Variants in ARHGAP23 observed in about 807,000 individuals in gnomAD.
ARHGAP23 encodes the protein rho GTPase-activating protein 23.
A neutral mutation model predicts 136.3 loss-of-function variants in ARHGAP23; 34 were observed. The observed-to-expected ratio is 0.25, with a 90% CI of 0.19 to 0.33. The LOEUF (loss-of-function observed/expected upper bound fraction) is 0.33. ARHGAP23 is among the 10% of genes least tolerant of loss of function. The pLI is 1.00. For missense variants in ARHGAP23, 1,808 were observed against 2,139.0 expected (o/e 0.85, Z 3.05); for synonymous variants, 832 against 920.5 (o/e 0.90, Z 1.74).
Position 38,469,265 on chromosome 17 carries a change from T to G in ARHGAP23, c.1770T>G (p.Thr590=), listed in dbSNP as rs1490840854. ...CCAGCCCATCTTCCCCGACCTTCAC[T>G]TTCACCCTCGGACGCCATTACTCGC... ...LGTSPSSPTF[T]FTLGRHYSQD... Residue 590 remains threonine, a synonymous_variant, in exon 8 of 24, where the codon ACT becomes ACG. Transcript: ENST00000622683. 2 of 1,551,340 alleles carry G rather than the reference T, an allele frequency of 1.3e-6. No homozygotes were observed. Among genetic ancestry groups the G allele is most frequent in the African/African-American group, 2.7e-5 (2 of 73,012 alleles).
intron 1 of ARHGAP23, among the ~76,000 whole-genome samples, chr17:38,441,662 G>T (rs537326466): frequency 9.0e-4 from 137 of 152,358 alleles, no homozygotes; most frequent in African/African-American, 3.2e-3. Flanking sequence ...CACCATGGCA[G>T]ATTCCTTAGC....
rs575376487 is a variant in ARHGAP23, at chr17:38,479,871, G to C, written c.2617G>C (p.Ala873Pro). The C allele has an allele frequency of 6.5e-7, 1 of 1,545,304 alleles. No individual in the cohort carries two copies. The highest frequency in any genetic ancestry group is 1.4e-5 in the African/African-American group (1 of 72,368). ...ARGLRTQDLP[A>P]GSKDDSAAAP... is the part of the protein sequence containing the mutation. ...TGGCCTCAGGACTCAGGACCTGCCC[G>C]CAGGGAGCAAGGGTAGGAAGGTGGC... is the stretch of plus-strand genomic sequence containing the variant. The change falls in exon 14 of 24, where the codon GCA (alanine) becomes CCA (proline). Residue 873 changes from alanine to proline, a missense_variant. By Grantham distance (27) the Ala-to-Pro change is conservative. Coordinates refer to ENST00000622683, the MANE Select transcript of ARHGAP23 (RefSeq NM_001199417.2).
intron 23 of ARHGAP23, among the ~76,000 whole-genome samples, chr17:38,508,781 A>G (rs1397225178): frequency 6.6e-6 from 1 of 151,898 alleles, no homozygotes; most frequent in Non-Finnish European, 1.5e-5. Context: ...GTGTGAATGG[A>G]GGCAGTTTGG....
At chr17:38,445,303 TAAAAAAAA>T (rs61636599) in intron 1 of ARHGAP23, among the ~76,000 whole-genome samples, 2 of 111,588 alleles carry the variant, frequency 1.8e-5, no homozygotes, top group African/African-American at 6.8e-5. Flanking sequence ...TGTCTCTACT[TAAAAAAAA>T]AAAAAAAAAA....
At chr17:38,473,519 G>A (rs193072982) in intron 11 of ARHGAP23, among the ~76,000 whole-genome samples, 98 of 152,306 alleles carry the variant, frequency 6.4e-4, no homozygotes, top group Admixed American at 1.2e-3. Context: ...GAATGACTAA[G>A]GCCGCCCTGC....
At position 38,510,669 on chromosome 17, in the gene ARHGAP23, G is replaced by T. The variant is rs1254534426; in HGVS notation, c.4173G>T (p.Pro1391=). The T allele has an allele frequency of 2.2e-6, 3 of 1,393,632 alleles. No individual in the cohort carries two copies. The highest frequency in any genetic ancestry group is 1.5e-5 in the African/African-American group (1 of 65,096). 86.3% of individuals were successfully genotyped at this position (1,393,632 alleles called of 1,614,324 possible). The change falls in exon 24 of 24, where the codon CCG becomes CCT. Residue 1391 remains proline (P), a synonymous_variant. Transcript: ENST00000622683. The surrounding 1 kb of genome is among the most constrained non-coding windows in gnomAD (Gnocchi z 4.6). ...DDMLAVRLRR[P]LSPETRRRRS... ...TGCTCGCCGTGCGCCTGCGGCGGCC[G>T]CTGTCGCCCGAGACCCGGCGGCGCC...
At chr17:38,470,063 C>T (rs1475542675) in intron 10 of ARHGAP23, among the ~76,000 whole-genome samples, 159 bp downstream of exon 10, 1 of 152,200 alleles carries the variant, frequency 6.6e-6, no homozygotes, top group Non-Finnish European at 1.5e-5. Context: ...CCGCGGGACC[C>T]GCCCTCTGCT....
Position 38,498,486 on chromosome 17 carries a change from G to C in ARHGAP23, c.3391G>C (p.Val1131Leu). 6.5e-7 allele frequency: 1 copy of C among 1,548,204 alleles called. No individual in the cohort carries two copies. The highest frequency in any genetic ancestry group is 8.7e-7 in the Non-Finnish European group (1 of 1,146,088). The change falls in exon 22 of 24, where the codon GTG becomes CTG. Residue 1131 changes from valine to leucine, a missense_variant. By Grantham distance (32) the Val-to-Leu change is conservative. Around this residue, in one of 7 missense-constraint regions of ARHGAP23, gnomAD observed 104 missense variants for 131.8 expected, o/e 0.79. Coordinates refer to ENST00000622683, the MANE Select transcript of ARHGAP23 (RefSeq NM_001199417.2). ...CCTCCTGCCCAACATTGGCAGGACA[G>C]TGCCCCCTGGCGACCCGGGGTCAGG... ...EYLLPNIGRT[V>L]PPGDPGSDST...
intron 1 of ARHGAP23, among the ~76,000 whole-genome samples, chr17:38,423,339 C>T (rs551150700): frequency 6.6e-6 from 1 of 151,972 alleles, no homozygotes; most frequent in African/African-American, 2.4e-5. Context: ...ACTACAGGCA[C>T]GTGCCACCAT....
rs1373326829 is a variant in ARHGAP23, at chr17:38,511,816, C to A, written c.*844C>A. On this transcript the variant is annotated 3_prime_UTR_variant, in exon 24 of 24. Coordinates refer to ENST00000622683, the MANE Select transcript of ARHGAP23 (RefSeq NM_001199417.2). ...TTTTGTTTTTCCATCTGTGCCTGTT[C>A]CTTCCACAGCCCAGGCACACAGAAG... The A allele has an allele frequency of 1.3e-5, 2 of 152,128 alleles. No homozygotes were observed. The highest frequency in any genetic ancestry group is 2.4e-5 in the African/African-American group (1 of 41,386). 9.4% of individuals were successfully genotyped at this position (152,128 alleles called of 1,614,324 possible). A position where few individuals can be genotyped will look rare whatever the true frequency, so the allele number is the denominator to read the frequency against.
rs867205670 is a variant in ARHGAP23 at position 38,470,832 on chromosome 17, T to C, written c.1974+928T>C. 9.2e-5 allele frequency among the ~76,000 whole-genome samples: 14 copies of C among 152,080 alleles called. No homozygotes were observed. In the Middle Eastern group the frequency reaches 0.017, roughly 185 times the overall value. On this transcript the variant is annotated intron_variant, in intron 10 of 23. Coordinates refer to ENST00000622683, the MANE Select transcript of ARHGAP23 (RefSeq NM_001199417.2). Reference sequence around the variant, plus strand: ...GATTACAGGCGTGAGCCACCGCACCTGGCCTCAAATGATTTTCTTGCTTCG... The same window carrying C: ...GATTACAGGCGTGAGCCACCGCACCCGGCCTCAAATGATTTTCTTGCTTCG...
At chr17:38,471,541 C>T (rs1032854232) in intron 10 of ARHGAP23, among the ~76,000 whole-genome samples, 1 of 152,216 alleles carries the variant, frequency 6.6e-6, no homozygotes, top group Non-Finnish European at 1.5e-5. Flanking sequence ...CTCGTTGACA[C>T]GATCACTTCC....
chr17:38,497,306 C>T (rs1330241020), intron 20 of ARHGAP23, among the ~76,000 whole-genome samples: 2 of 152,200 alleles, frequency 1.3e-5, no homozygotes, highest in Non-Finnish European at 2.9e-5. Context: ...GGGCTGAGTA[C>T]GTGACACCCC....
At chr17:38,505,297 G>A (rs1021524839) in intron 23 of ARHGAP23, among the ~76,000 whole-genome samples, 2 of 151,374 alleles carry the variant, frequency 1.3e-5, no homozygotes, top group Non-Finnish European at 2.9e-5. Context: ...CATGAGCCAC[G>A]GCACCCCACT....
intron 17 of ARHGAP23, 146 bp from the exon 18 acceptor site, chr17:38,489,956 G>A: frequency 1.4e-6 from 1 of 711,338 alleles, no homozygotes; most frequent in African/African-American, 1.8e-5. Context: ...TGGTGGGTGT[G>A]TTCACATACA....
chr17:38,426,550 C>CAAAAAAAAAAAAAAGAA (rs2038572517), upstream of ARHGAP23, among the ~76,000 whole-genome samples: 1 of 51,230 alleles, frequency 2.0e-5, no homozygotes, highest in Non-Finnish European at 3.6e-5. Flanking sequence ...AACTCCATCT[C>CAAAAAAAAAAAAAAGAA]AAAAAAAAAA....
At position 38,510,716 on chromosome 17, in the gene ARHGAP23, C is replaced by A; in HGVS notation, c.4220C>A (p.Thr1407Asn). ...RRRRSSWRRH[T>N]VVVQSPLTDL... is the part of the protein sequence containing the mutation. ...CGCCGGAGCAGCTGGCGCCGCCACA[C>A]CGTGGTGGTGCAGAGCCCGCTGACT... Residue 1407 changes from threonine to asparagine, a missense_variant, in exon 24 of 24, where the codon ACC (threonine) becomes AAC (asparagine). Thr to Asn is a moderately conservative substitution (Grantham distance 65). This residue lies in a region of ARHGAP23 where 506 missense variants were observed against 455.8 expected (regional missense o/e 1.11). Coordinates refer to ENST00000622683, the MANE Select transcript of ARHGAP23 (RefSeq NM_001199417.2). The surrounding 1 kb of genome is among the most constrained non-coding windows in gnomAD (Gnocchi z 4.6). 1 of 1,455,998 alleles carries A rather than the reference C, an allele frequency of 6.9e-7. No homozygotes were observed. The highest frequency in any genetic ancestry group is 1.4e-5 in the South Asian group (1 of 73,476). The allele number at this position is 1,455,998 out of a possible 1,614,324, so 90.2% of individuals were successfully genotyped here. A position where few individuals can be genotyped will look rare whatever the true frequency, so the allele number is the denominator to read the frequency against.
chr17:38,424,084 G>A (rs934197260), upstream of ARHGAP23, among the ~76,000 whole-genome samples: 1 of 150,484 alleles, frequency 6.6e-6, no homozygotes, highest in African/African-American at 2.5e-5. Context: ...TACAGCTACT[G>A]GGGGCTGGGG....
intron 6 of ARHGAP23, among the ~76,000 whole-genome samples, chr17:38,464,905 C>T (rs996766873): frequency 2.6e-5 from 4 of 152,136 alleles, no homozygotes; most frequent in Non-Finnish European, 5.9e-5. Flanking sequence ...AATCGGGCCT[C>T]GGCAGCTGCT....
Sources: gnomAD v4.1 joint callset for allele counts (sites outside exome capture counted in the v4.1 genomes callset) on GRCh38, gnomAD v4.1.1 for gene constraint, gnomAD v4.1.1 regional missense constraint, Gnocchi (gnomAD v3.1) non-coding constraint, MANE v1.5 for transcripts, NCBI Gene and HGNC (gene_info 2026-07-23, HGNC 2026-07-21) for gene names.